The following MOG variants were observed in gnomAD, a reference collection of about 807,000 sequenced individuals.
MOG encodes the protein myelin oligodendrocyte glycoprotein, also known as myelin-oligodendrocyte glycoprotein.
A neutral mutation model predicts 35.9 loss-of-function variants in MOG; 20 were observed. The observed-to-expected ratio is 0.56, with a 90% CI of 0.39 to 0.81. The LOEUF (loss-of-function observed/expected upper bound fraction) is 0.81. Among genes scored for constraint, MOG ranks in the 30% least tolerant of loss-of-function variants. The probability of loss-of-function intolerance (pLI) is 0.00; values close to 1 mark genes in which losing one functional copy is unlikely to be tolerated. For synonymous variants in MOG, 92 were observed against 114.3 expected (o/e 0.80, Z 1.25); for missense variants, 251 against 301.0 (o/e 0.83, Z 1.23).
chr6:29,662,261 A>C lies in MOG; in HGVS notation c.436+2595A>C. The C allele has an allele frequency of 1.3e-6, 1 of 796,462 alleles. No homozygotes were observed. Among genetic ancestry groups the C allele is most frequent in the Non-Finnish European group, 1.5e-6 (1 of 657,952 alleles). 49.3% of individuals were successfully genotyped at this position (796,462 alleles called of 1,614,324 possible). ...CACTTTGGGAGGCCGAAGCGGGCAG[A>C]TCACCCGAGGTCAGGAGTTCGAGAC... On this transcript the variant is annotated intron_variant, in intron 2 of 7. Coordinates refer to ENST00000376917, the MANE Select transcript of MOG (RefSeq NM_206809.4). This position sits in a 1 kb window ranked among gnomAD's most constrained non-coding sequence, Gnocchi z 4.2.
rs1562210580 is a variant in MOG at position 29,670,686 on chromosome 6, T to C, written c.710-15T>C. The C allele has an allele frequency of 6.2e-7, 1 of 1,612,334 alleles. No individual in the cohort carries two copies. Among genetic ancestry groups the C allele is most frequent in the Admixed American group, 1.7e-5 (1 of 59,950 alleles). On this transcript the variant is annotated splice_polypyrimidine_tract_variant and intron_variant, in intron 6 of 7. Transcript: ENST00000376917. This position sits in a 1 kb window ranked among gnomAD's most constrained non-coding sequence, Gnocchi z 4.2. Reference sequence around the variant, plus strand: ...ATCTTCCACTAATCACATATTTGTTTCTTTTTGTTTTCAGGGCAATTCCTT... The same window carrying C: ...ATCTTCCACTAATCACATATTTGTTCCTTTTTGTTTTCAGGGCAATTCCTT...
chr6:29,670,374 A>G lies in MOG; in HGVS notation c.686A>G (p.Asn229Ser). 6.2e-7 allele frequency: 1 copy of G among 1,614,182 alleles called. No individual in the cohort carries two copies. Among genetic ancestry groups the G allele is most frequent in the Non-Finnish European group, 8.5e-7 (1 of 1,180,024 alleles). The part of the protein sequence containing the change: ...GPLVALIICY[N>S]WLHRRLAGQF... ...TTGGTTGCCTTGATCATCTGCTACA[A>G]CTGGCTACATCGAAGACTAGCAGGT... Residue 229 changes from asparagine to serine, a missense_variant, in exon 6 of 8, where the codon AAC becomes AGC. By Grantham distance (46) the Asn-to-Ser change is conservative (BLOSUM62 1). Coordinates refer to ENST00000376917, the MANE Select transcript of MOG (RefSeq NM_206809.4). The surrounding 1 kb of genome is among the most constrained non-coding windows in gnomAD (Gnocchi z 4.2).
rs138169338 is a variant in MOG, at chr6:29,659,445, C to T, written c.215C>T (p.Pro72Leu). The T allele has an allele frequency of 4.9e-4, 785 of 1,613,006 alleles. 12 individuals are homozygous for T. The South Asian group carries it at 8.1e-3, about 17-fold the overall frequency. ...TGMEVGWYRPPFSRVVHLYRN... is the reference protein window; with the variant it reads ...TGMEVGWYRPLFSRVVHLYRN... Reference sequence around the variant, plus strand: ...ATGGAGGTGGGGTGGTACCGCCCCCCCTTCTCTAGGGTGGTTCATCTCTAC... The same window carrying T: ...ATGGAGGTGGGGTGGTACCGCCCCCTCTTCTCTAGGGTGGTTCATCTCTAC... The change falls in exon 2 of 8, where the codon CCC becomes CTC. Residue 72 changes from proline (P) to leucine (L), a missense_variant. Coordinates refer to ENST00000376917, the MANE Select transcript of MOG (RefSeq NM_206809.4).
At chr6:29,669,037 C>T (rs974159120) in intron 5 of MOG, among the ~76,000 whole-genome samples, 1 of 151,552 alleles carries the variant, frequency 6.6e-6, no homozygotes, top group African/African-American at 2.4e-5. Flanking sequence ...AAGCGATTCT[C>T]AGCCTCCTGA....
At chr6:29,666,491 C>G (rs2857767) in intron 3 of MOG, among the ~76,000 whole-genome samples, 10,915 of 152,190 alleles carry the variant, frequency 0.072, 731 homozygotes, top group African/African-American at 0.17. Context: ...GCTAACTATG[C>G]CATATAGTAA....
At position 29,662,336 on chromosome 6, in the gene MOG, T is replaced by G; in HGVS notation, c.436+2670T>G. 4.6e-6 allele frequency: 1 copy of G among 217,370 alleles called. No homozygotes were observed. The highest frequency in any genetic ancestry group is 7.8e-6 in the Non-Finnish European group (1 of 127,832). 13.5% of individuals were successfully genotyped at this position (217,370 alleles called of 1,614,324 possible). On this transcript the variant is annotated intron_variant, in intron 2 of 7. Coordinates refer to ENST00000376917, the MANE Select transcript of MOG (RefSeq NM_206809.4). This position sits in a 1 kb window ranked among gnomAD's most constrained non-coding sequence, Gnocchi z 4.2. ...CCGTCTCTACTAAAAAATACAAAAT[T>G]AGCTAGGCGTGGTGGCACATGCCAG...
rs35514085 is a variant in MOG at position 29,660,562 on chromosome 6, GCACA to G, written c.436+920_436+923del. ...AAAAAAAAACCCTGTATTTGTGAGC[GCACA>G]CACACACACACACACACACACACCT... On this transcript the variant is annotated intron_variant, in intron 2 of 7. Transcript: ENST00000376917. Among the ~76,000 whole-genome samples the G allele has an allele frequency of 2.2e-3, 278 of 129,128 alleles. 8 individuals carry two copies. Among genetic ancestry groups the G allele is most frequent in the African/African-American group, 2.9e-3 (97 of 33,476 alleles). The allele number at this position is 129,128 out of a possible 152,430, so 84.7% of individuals were successfully genotyped here. A position where few individuals can be genotyped will look rare whatever the true frequency, so the allele number is the denominator to read the frequency against.
At chr6:29,666,843 C>T (rs1770322250) in intron 3 of MOG, among the ~76,000 whole-genome samples, 1 of 152,160 alleles carries the variant, frequency 6.6e-6, no homozygotes, top group Admixed American at 6.5e-5. Flanking sequence ...CTCCCCAATG[C>T]CAGAGCAGGA....
intron 2 of MOG, chr6:29,661,834 A>C: frequency 7.1e-6 from 7 of 984,810 alleles, no homozygotes; most frequent in Non-Finnish European, 8.4e-6. Flanking sequence ...AAAAAAAAAA[A>C]AAAACAAGGA....
intron 2 of MOG, among the ~76,000 whole-genome samples, chr6:29,660,804 G>A (rs567357717): frequency 6.6e-6 from 1 of 150,926 alleles, no homozygotes; most frequent in Non-Finnish European, 1.5e-5. Context: ...CGCCTCCTGG[G>A]TTCAAGTGAT....
In MOG at chr6:29,662,914, C is replaced by T. The variant is rs1431494222; in HGVS notation, c.437-3238C>T. On this transcript the variant is annotated intron_variant, in intron 2 of 7. Transcript: ENST00000376917. This position sits in a 1 kb window ranked among gnomAD's most constrained non-coding sequence, Gnocchi z 4.2. Reference sequence around the variant, plus strand: ...CTAGGCTCAAGCAATCCTCCCACCTCGGCCTCCCAAAGTGCTAGAATTACA... The same window carrying T: ...CTAGGCTCAAGCAATCCTCCCACCTTGGCCTCCCAAAGTGCTAGAATTACA... 6.6e-6 allele frequency among the ~76,000 whole-genome samples: 1 copy of T among 152,026 alleles called. No individual in the cohort carries two copies. The highest frequency in any genetic ancestry group is 2.4e-5 in the African/African-American group (1 of 41,416).
intron 2 of MOG, among the ~76,000 whole-genome samples, chr6:29,660,337 C>T (rs1319649037): frequency 5.4e-5 from 8 of 148,622 alleles, no homozygotes; most frequent in African/African-American, 2.0e-4. Context: ...CTGGCTAAAA[C>T]GGTGAAACCC....
chr6:29,669,963 G>C (rs773046674), intron 5 of MOG, among the ~76,000 whole-genome samples: 11 of 152,108 alleles, frequency 7.2e-5, no homozygotes, highest in Non-Finnish European at 1.6e-4. Context: ...TAGAGATGGG[G>C]TTTCACCATG....
rs151184185 is a variant in MOG, at chr6:29,667,802, C to T, written c.572-102C>T. ...TTCCCTTTCTCTACAGTGGGTGTGT[C>T]GTGCCTAGAACAAGTTTTAAGTAAT... On this transcript the variant is annotated intron_variant, in intron 4 of 7. Coordinates refer to ENST00000376917, the MANE Select transcript of MOG (RefSeq NM_206809.4). 493 of 1,536,796 alleles carry T rather than the reference C, an allele frequency of 3.2e-4. No homozygotes were observed. In the African/African-American group the frequency reaches 3.5e-3, roughly 11 times the overall value.
At chr6:29,667,542 G>A in intron 3 of MOG, 101 bp from the exon 4 acceptor site, 1 of 1,217,606 alleles carries the variant, frequency 8.2e-7, no homozygotes, top group East Asian at 2.3e-5. Context: ...CCAGGCTGCA[G>A]AGAAATAGCC....
chr6:29,670,538 C>G lies in MOG; in HGVS notation c.709+141C>G, dbSNP rs540899579. 99 of 1,518,690 alleles carry G rather than the reference C, an allele frequency of 6.5e-5. No homozygotes were observed. The African/African-American group carries it at 1.2e-3, about 19-fold the overall frequency. The allele number at this position is 1,518,690 out of a possible 1,614,324, so 94.1% of individuals were successfully genotyped here. ...CTTATTCCTCTGTCCCCATGCCCAACCCCAGGCTCTTCTGAGAAACTGTGA... is the reference window on the plus strand; with the variant it reads ...CTTATTCCTCTGTCCCCATGCCCAAGCCCAGGCTCTTCTGAGAAACTGTGA... On this transcript the variant is annotated intron_variant, in intron 6 of 7. Transcript: ENST00000376917. The surrounding 1 kb of genome is among the most constrained non-coding windows in gnomAD (Gnocchi z 4.2).
In MOG at chr6:29,660,570, A is replaced by G. The variant is rs1038925775; in HGVS notation, c.436+904A>G. Among the ~76,000 whole-genome samples, 5 of 147,458 alleles carry G rather than the reference A, an allele frequency of 3.4e-5. No homozygotes were observed. The East Asian group carries it at 5.9e-4, about 17-fold the overall frequency. ...ACCCTGTATTTGTGAGCGCACACAC[A>G]CACACACACACACACACACCTGTGC... is the stretch of plus-strand genomic sequence containing the variant. On this transcript the variant is annotated intron_variant, in intron 2 of 7. Transcript: ENST00000376917.
chr6:29,668,746 G>A (rs1055405426), intron 5 of MOG, among the ~76,000 whole-genome samples: 1 of 152,126 alleles, frequency 6.6e-6, no homozygotes, highest in African/African-American at 2.4e-5. Flanking sequence ...ACTATGAAAG[G>A]TCTTAACTCC....
chr6:29,660,782 A>C (rs1194178177), intron 2 of MOG, among the ~76,000 whole-genome samples: 2 of 147,418 alleles, frequency 1.4e-5, no homozygotes, highest in South Asian at 2.2e-4. Context: ...GCTGGAGTGC[A>C]ATGGCGCCCT....
Sources: allele counts gnomAD v4.1 joint callset (sites outside exome capture counted in the v4.1 genomes callset), GRCh38; gene constraint gnomAD v4.1.1; non-coding constraint Gnocchi (gnomAD v3.1); transcripts MANE v1.5; gene names NCBI Gene and HGNC (gene_info 2026-07-23, HGNC 2026-07-21).